Variants in TTLL11 observed in about 807,000 individuals in gnomAD.
The protein encoded by TTLL11 is tubulin tyrosine ligase like 11, also known as tubulin polyglutamylase TTLL11.
Under a neutral mutation model 51.7 loss-of-function variants are expected in TTLL11, and 42 were observed. That is an observed-to-expected ratio of 0.81 (90% CI 0.64 to 1.05). The LOEUF is 1.05. Ranked by LOEUF, TTLL11 falls within the 50% of genes least tolerant of loss-of-function variation. The pLI, the probability that TTLL11 is intolerant of heterozygous loss-of-function variation, is 0.00. For missense variants in TTLL11, 799 were observed against 940.4 expected (o/e 0.85, Z 1.97); for synonymous variants, 381 against 383.5 (o/e 0.99, Z 0.08).
intron 7 of TTLL11, among the ~76,000 whole-genome samples, chr9:121,864,673 C>T (rs1838128567): frequency 6.6e-6 from 1 of 152,226 alleles, no homozygotes; most frequent in Admixed American, 6.5e-5. Context: ...CCCATCCTTC[C>T]TCTCTGATGT....
chr9:121,847,207 C>CA (rs56213031), intron 8 of TTLL11, among the ~76,000 whole-genome samples: 1,326 of 113,492 alleles, frequency 0.012, 29 homozygotes, highest in African/African-American at 0.033. Context: ...GACTCCGTCT[C>CA]AAAAAAAAAA....
At chr9:121,994,998 T>C (rs978743474) in intron 3 of TTLL11, among the ~76,000 whole-genome samples, 1 of 151,946 alleles carries the variant, frequency 6.6e-6, no homozygotes, top group African/African-American at 2.4e-5. Flanking sequence ...ACAGGGAATA[T>C]AAGGGAATGA....
At chr9:121,968,548 A>T (rs1469703491) in intron 6 of TTLL11, among the ~76,000 whole-genome samples, 1 of 152,142 alleles carries the variant, frequency 6.6e-6, no homozygotes, top group Non-Finnish European at 1.5e-5. Context: ...TCCAGTAGAT[A>T]CTTTCTTTCT....
rs1356271576 is a variant in TTLL11, at chr9:121,989,457, T to C, written c.1007A>G (p.His336Arg). 1.2e-6 allele frequency: 2 copies of C among 1,614,024 alleles called. No homozygotes were observed. The highest frequency in any genetic ancestry group is 3.3e-5 in the Admixed American group (2 of 60,000). The change falls in exon 4 of 9, where the codon CAC becomes CGC. Residue 336 changes from histidine (H) to arginine (R), a missense_variant. Physicochemically the swap from His to Arg is conservative, Grantham distance 29 (BLOSUM62 0). Transcript: ENST00000321582. This position sits in a 1 kb window ranked among gnomAD's most constrained non-coding sequence, Gnocchi z 4.2. ...GTTGGTTAAGTGCATAAAGATGCGG[T>C]GCAGGTTTTTGGGGGTGGGCTCCTG... ...PYQEPTPKNL[H>R]RIFMHLTNYS...
intron 6 of TTLL11, among the ~76,000 whole-genome samples, chr9:121,942,966 A>G (rs1218892158): frequency 6.6e-6 from 1 of 152,168 alleles, no homozygotes; most frequent in Non-Finnish European, 1.5e-5. Flanking sequence ...ATGCCGGCGT[A>G]TCAGACTTGG....
intron 3 of TTLL11, among the ~76,000 whole-genome samples, chr9:122,023,755 C>T (rs1238005105): frequency 6.6e-6 from 1 of 151,558 alleles, no homozygotes; most frequent in Non-Finnish European, 1.5e-5. Flanking sequence ...ACATCCATTC[C>T]TAATTAAAAA....
chr9:122,078,823 G>C (rs1264522987), intron 1 of TTLL11, among the ~76,000 whole-genome samples: 1 of 152,058 alleles, frequency 6.6e-6, no homozygotes, highest in African/African-American at 2.4e-5. Flanking sequence ...AAGACATAAT[G>C]CATCTTGGGT....
chr9:121,901,584 A>G (rs943553925), intron 6 of TTLL11, among the ~76,000 whole-genome samples: 1 of 151,930 alleles, frequency 6.6e-6, no homozygotes, highest in Non-Finnish European at 1.5e-5. Flanking sequence ...CTTAAAGAAG[A>G]CACTGTCTTT....
intron 6 of TTLL11, among the ~76,000 whole-genome samples, chr9:121,896,469 C>T (rs1448456904): frequency 6.6e-6 from 1 of 152,216 alleles, no homozygotes; most frequent in African/African-American, 2.4e-5. Context: ...GGTGCCCAAC[C>T]TCTTCGGTGT....
chr9:122,092,109 T>C (rs534337295), intron 1 of TTLL11, among the ~76,000 whole-genome samples: 1 of 152,018 alleles, frequency 6.6e-6, no homozygotes, highest in South Asian at 2.1e-4. Flanking sequence ...AAACACTAAG[T>C]AGTGAGTCTT....
intron 6 of TTLL11, among the ~76,000 whole-genome samples, chr9:121,872,140 C>A (rs1838381020): frequency 6.6e-6 from 1 of 152,230 alleles, no homozygotes; most frequent in Non-Finnish European, 1.5e-5. Flanking sequence ...ATGCCCAGTG[C>A]TTTCATTTCC....
intron 3 of TTLL11, among the ~76,000 whole-genome samples, chr9:122,021,820 C>T (rs368346442): frequency 4.2e-4 from 64 of 152,094 alleles, no homozygotes; most frequent in African/African-American, 1.4e-3. Flanking sequence ...AAAAAAACAT[C>T]GTGATATGGG....
intron 3 of TTLL11, among the ~76,000 whole-genome samples, chr9:122,023,270 C>T (rs1844229269): frequency 6.6e-6 from 1 of 151,870 alleles, no homozygotes; most frequent in Admixed American, 6.6e-5. Flanking sequence ...ATAATATGAA[C>T]AGCCTATATC....
intron 7 of TTLL11, among the ~76,000 whole-genome samples, chr9:121,866,146 G>A (rs1838167973): frequency 6.6e-6 from 1 of 152,134 alleles, no homozygotes; most frequent in Non-Finnish European, 1.5e-5. Flanking sequence ...TCCTGAGAAG[G>A]GCACTTGGTT....
chr9:121,971,484 G>A (rs113224269), intron 6 of TTLL11, among the ~76,000 whole-genome samples: 13 of 126,318 alleles, frequency 1.0e-4, no homozygotes, highest in Non-Finnish European at 1.6e-4. Flanking sequence ...CGCCCCGTCC[G>A]GGAGGTGAGG....
chr9:122,092,551 G>A (rs1564394931), intron 1 of TTLL11, 136 bp downstream of exon 1: 2 of 1,441,760 alleles, frequency 1.4e-6, no homozygotes, highest in Non-Finnish European at 9.1e-7. Flanking sequence ...CTTTGCGGCT[G>A]ACAAGCAGGC....
chr9:121,953,495 G>C (rs932645961), intron 6 of TTLL11, among the ~76,000 whole-genome samples: 7 of 151,972 alleles, frequency 4.6e-5, no homozygotes, highest in African/African-American at 1.7e-4. Context: ...AGCCAGGCAT[G>C]GTGGCGTGTG....
intron 1 of TTLL11, among the ~76,000 whole-genome samples, chr9:122,048,450 A>T (rs1212496881): frequency 1.3e-5 from 2 of 152,146 alleles, no homozygotes; most frequent in Non-Finnish European, 2.9e-5. Context: ...TATAGATGTG[A>T]GGCACTGAAC....
intron 6 of TTLL11, among the ~76,000 whole-genome samples, chr9:121,902,114 A>G (rs1839799364): frequency 6.6e-6 from 1 of 151,708 alleles, no homozygotes; most frequent in African/African-American, 2.4e-5. Context: ...TCTATAAAGA[A>G]AAAATAAAAC....
Sources: gnomAD v4.1 joint callset for allele counts (sites outside exome capture counted in the v4.1 genomes callset) on GRCh38, gnomAD v4.1.1 for gene constraint, Gnocchi (gnomAD v3.1) non-coding constraint, MANE v1.5 for transcripts, NCBI Gene and HGNC (gene_info 2026-07-23, HGNC 2026-07-21) for gene names.